The following PCCA variants were observed in gnomAD, a reference collection of about 807,000 sequenced individuals.
PCCA encodes propionyl-CoA carboxylase subunit alpha.
Under a neutral mutation model 101.3 loss-of-function variants are expected in PCCA, and 74 were observed. The observed-to-expected ratio is 0.73, with a 90% CI of 0.61 to 0.89. PCCA has a LOEUF of 0.89. PCCA is among the 40% of genes least tolerant of loss of function. The probability of loss-of-function intolerance (pLI) is 0.00; values close to 1 mark genes in which losing one functional copy is unlikely to be tolerated. For missense variants in PCCA, 891 were observed against 907.0 expected, an observed-to-expected ratio of 0.98 and a Z score of 0.23; for synonymous variants, 294 against 313.6, an observed-to-expected ratio of 0.94 and a Z score of 0.66.
At chr13:100,151,292 A>G (rs1238919820) in intron 4 of PCCA, among the ~76,000 whole-genome samples, 1 of 152,154 alleles carries the variant, frequency 6.6e-6, no homozygotes, top group Non-Finnish European at 1.5e-5. Context: ...ATAATTCAAA[A>G]TAGAAAACTA....
chr13:100,390,687 A>G (rs1458842490), intron 19 of PCCA, among the ~76,000 whole-genome samples: 2 of 152,222 alleles, frequency 1.3e-5, no homozygotes, highest in Non-Finnish European at 2.9e-5. Flanking sequence ...GAGGTCATTG[A>G]TGCCAGTGAA....
At chr13:100,144,061 GC>G (rs2052237392) in intron 4 of PCCA, among the ~76,000 whole-genome samples, 1 of 151,984 alleles carries the variant, frequency 6.6e-6, no homozygotes. Context: ...ACCATGCCCG[GC>G]CCCAGATATT....
rs752777848 is a variant in PCCA at position 100,337,122 on chromosome 13, G to A, written c.1541-3035G>A. Among the ~76,000 whole-genome samples, 6 of 152,124 alleles carry A rather than the reference G, an allele frequency of 3.9e-5. No individual in the cohort carries two copies. The South Asian group carries it at 1.0e-3, about 26-fold the overall frequency. On this transcript the variant is annotated intron_variant, in intron 17 of 23. Coordinates refer to ENST00000376285, the MANE Select transcript of PCCA (RefSeq NM_000282.4). The stretch of plus-strand genomic sequence containing the variant: ...TTGGAGAGCTTTTAAAATACTTACC[G>A]CGCCCCCAAGTTTTAGGTGTGTAGG...
intron 17 of PCCA, among the ~76,000 whole-genome samples, chr13:100,337,858 A>T (rs118086778): frequency 0.019 from 2,902 of 152,360 alleles, 39 homozygotes; most frequent in Middle Eastern, 0.034. Flanking sequence ...AACCACCATG[A>T]GAAATACATT....
intron 13 of PCCA, 39 bp downstream of exon 13, chr13:100,301,642 G>C: frequency 6.2e-7 from 1 of 1,612,394 alleles, no homozygotes; most frequent in Non-Finnish European, 8.5e-7. Flanking sequence ...TGGTGGTTAT[G>C]TCCAGAGTCA....
chr13:100,303,114 T>C, intron 14 of PCCA, 116 bp downstream of exon 14: 1 of 769,422 alleles, frequency 1.3e-6, no homozygotes, highest in East Asian at 2.5e-5. Flanking sequence ...GTGAAATTCA[T>C]GGGAATCATG....
rs16957232 is a variant in PCCA, at chr13:100,210,400, T to C, written c.600+937T>C. Among the ~76,000 whole-genome samples the C allele has an allele frequency of 6.9e-3, 1,047 of 152,394 alleles. 20 individuals carry two copies. Among genetic ancestry groups the C allele is most frequent in the South Asian group, 0.028 (134 of 4,830 alleles). The stretch of plus-strand genomic sequence containing the variant: ...AAAATTTGGTGATTAAAAAATGTAC[T>C]GTCAGATCTCTGGACTGCATTTAAT... On this transcript the variant is annotated intron_variant, in intron 7 of 23. Coordinates refer to ENST00000376285, the MANE Select transcript of PCCA (RefSeq NM_000282.4).
chr13:100,282,916 G>T (rs1347529038), intron 12 of PCCA, among the ~76,000 whole-genome samples: 1 of 152,018 alleles, frequency 6.6e-6, no homozygotes, highest in African/African-American at 2.4e-5. Flanking sequence ...CCCCCGCCCA[G>T]AAGGAAATAA....
chr13:100,415,012 A>G (rs577503924), intron 19 of PCCA, among the ~76,000 whole-genome samples: 3 of 152,292 alleles, frequency 2.0e-5, no homozygotes, highest in South Asian at 2.1e-4. Context: ...TTGCCCCTAT[A>G]AATTACATAA....
intron 19 of PCCA, among the ~76,000 whole-genome samples, chr13:100,370,166 C>T (rs989179080): frequency 1.4e-5 from 2 of 145,248 alleles, no homozygotes; most frequent in African/African-American, 2.6e-5. Flanking sequence ...TCACTGCAGC[C>T]TCTTCCTCCC....
At chr13:100,309,767 A>C (rs2066759004) in intron 15 of PCCA, 66 bp from the exon 16 acceptor site, 1 of 1,040,416 alleles carries the variant, frequency 9.6e-7, no homozygotes, top group Non-Finnish European at 1.4e-6. Context: ...ATTTTTACTA[A>C]AATGAATCAT....
intron 19 of PCCA, among the ~76,000 whole-genome samples, chr13:100,415,301 A>G (rs947176937): frequency 4.6e-5 from 7 of 151,554 alleles, no homozygotes; most frequent in African/African-American, 9.7e-5. Flanking sequence ...CAGCTACTCA[A>G]CCCGCTGATG....
Position 100,279,660 on chromosome 13 carries a change from G to A in PCCA, c.1065+6314G>A, listed in dbSNP as rs868061202. On this transcript the variant is annotated intron_variant, in intron 12 of 23. Coordinates refer to ENST00000376285, the MANE Select transcript of PCCA (RefSeq NM_000282.4). ...CTAGCTAATTTTTGTTTTTTTAGTA[G>A]AGATGGGGTTTTACCATGTTGGCCA... Among the ~76,000 whole-genome samples, 5 of 152,178 alleles carry A rather than the reference G, an allele frequency of 3.3e-5. No individual in the cohort carries two copies. The South Asian group carries it at 6.2e-4, about 19-fold the overall frequency.
intron 1 of PCCA, among the ~76,000 whole-genome samples, chr13:100,099,428 C>T (rs1442100495): frequency 6.6e-6 from 1 of 151,540 alleles, no homozygotes; most frequent in East Asian, 1.9e-4. Flanking sequence ...CGCCATTCTC[C>T]CGCCTCAGTC....
chr13:100,178,283 TG>T (rs1387436909), intron 6 of PCCA, among the ~76,000 whole-genome samples: 5 of 152,228 alleles, frequency 3.3e-5, no homozygotes. Flanking sequence ...TTTGGTAACT[TG>T]TATCTTAAAC....
At chr13:100,478,613 G>T (rs1250872914) in intron 21 of PCCA, among the ~76,000 whole-genome samples, 1 of 152,188 alleles carries the variant, frequency 6.6e-6, no homozygotes. Flanking sequence ...CCATGATGAG[G>T]AGGAAATTGC....
chr13:100,215,287 T>C (rs2059447551), intron 7 of PCCA, among the ~76,000 whole-genome samples: 1 of 152,256 alleles, frequency 6.6e-6, no homozygotes, highest in Admixed American at 6.5e-5. Flanking sequence ...ATTTACCAAG[T>C]GCACGCAATT....
At chr13:100,130,405 G>A (rs537338538) in intron 4 of PCCA, among the ~76,000 whole-genome samples, 159 of 152,302 alleles carry the variant, frequency 1.0e-3, no homozygotes, top group Non-Finnish European at 1.8e-3. Flanking sequence ...CATCTGAATT[G>A]GAACCTGTAC....
intron 6 of PCCA, among the ~76,000 whole-genome samples, chr13:100,183,351 T>C (rs1395135615): frequency 6.6e-6 from 1 of 152,184 alleles, no homozygotes; most frequent in Non-Finnish European, 1.5e-5. Flanking sequence ...GAAACTTATC[T>C]AATTTGTTTG....
Sources: allele counts gnomAD v4.1 joint callset (sites outside exome capture counted in the v4.1 genomes callset), GRCh38; gene constraint gnomAD v4.1.1; transcripts MANE v1.5; gene names NCBI Gene and HGNC (gene_info 2026-07-23, HGNC 2026-07-21).